TNIK: variants seen among roughly 807,000 people sequenced by gnomAD.
The protein encoded by TNIK is TRAF2 and NCK interacting kinase.
A neutral mutation model predicts 191.3 loss-of-function variants in TNIK; 49 were observed. The ratio of observed to expected loss-of-function variants is 0.26; its 90% CI spans 0.20 to 0.32. The LOEUF is 0.32. TNIK is among the 10% of genes least tolerant of loss of function. TNIK has a pLI of 1.00. For missense variants in TNIK, 1,155 were observed against 1,702.3 expected (o/e 0.68, Z 5.66); for synonymous variants, 594 against 600.9 (o/e 0.99, Z 0.17).
At chr3:171,276,876 T>C (rs752083745) in intron 2 of TNIK, among the ~76,000 whole-genome samples, 9 of 152,222 alleles carry the variant, frequency 5.9e-5, no homozygotes, top group Non-Finnish European at 1.2e-4. Flanking sequence ...TTCGGAGAAA[T>C]TGGCATGTGA....
intron 23 of TNIK, among the ~76,000 whole-genome samples, chr3:171,088,139 A>G (rs183687902): frequency 1.5e-4 from 23 of 152,288 alleles, no homozygotes; most frequent in African/African-American, 4.1e-4. Context: ...ATAAATAACT[A>G]TGGTGCTTTG....
At position 171,460,113 on chromosome 3, in the gene TNIK, C is replaced by T. The variant is rs1729299786; in HGVS notation, c.-50G>A. On this transcript the variant is annotated 5_prime_UTR_variant, in exon 1 of 33. Transcript: ENST00000436636. This position sits in a 1 kb window ranked among gnomAD's most constrained non-coding sequence, Gnocchi z 6.8. ...GACCAAAACCACCCCGAAGCTTTTC[C>T]CTTGGAAATTCCACCTTGGTCTATT... The T allele has an allele frequency of 1.3e-6, 2 of 1,569,468 alleles. No individual in the cohort carries two copies. The highest frequency in any genetic ancestry group is 2.4e-5 in the East Asian group (1 of 42,380).
chr3:171,095,891 T>C (rs2108427354), intron 22 of TNIK, among the ~76,000 whole-genome samples: 1 of 152,310 alleles, frequency 6.6e-6, no homozygotes, highest in East Asian at 1.9e-4. Flanking sequence ...GAGCTTTTAA[T>C]AGTGTTCAGA....
intron 2 of TNIK, among the ~76,000 whole-genome samples, chr3:171,327,786 G>A (rs570461672): frequency 1.3e-5 from 2 of 151,524 alleles, no homozygotes; most frequent in Admixed American, 6.6e-5. Context: ...AAGGTGTAAC[G>A]GGTGCCCCTT....
At chr3:171,115,914 G>C (rs920042215) in intron 18 of TNIK, among the ~76,000 whole-genome samples, 8 of 152,192 alleles carry the variant, frequency 5.3e-5, no homozygotes, top group African/African-American at 1.9e-4. Context: ...CCTACATCCT[G>C]ACTGGGCTCA....
intron 3 of TNIK, among the ~76,000 whole-genome samples, chr3:171,216,453 G>A (rs776660507): frequency 4.6e-5 from 7 of 152,188 alleles, no homozygotes; most frequent in East Asian, 3.9e-4. Flanking sequence ...AGTTCTATAG[G>A]ATGGAGAAAA....
chr3:171,292,305 T>G (rs781759082), intron 2 of TNIK, among the ~76,000 whole-genome samples: 3 of 152,238 alleles, frequency 2.0e-5, no homozygotes, highest in Non-Finnish European at 4.4e-5. Context: ...CTAAACATTA[T>G]GAATATTGTT....
chr3:171,253,627 C>G (rs566379822), intron 2 of TNIK, among the ~76,000 whole-genome samples: 1 of 125,442 alleles, frequency 8.0e-6, no homozygotes, highest in Non-Finnish European at 1.6e-5. Context: ...TCAAATGTCA[C>G]GGCTAGGAAG....
chr3:171,354,528 C>A (rs535041366), intron 2 of TNIK, among the ~76,000 whole-genome samples: 1 of 152,300 alleles, frequency 6.6e-6, no homozygotes, highest in African/African-American at 2.4e-5. Flanking sequence ...TCCTGAGAAA[C>A]AAGATCCTGA....
At chr3:171,184,076 TTATTC>T (rs1737063751) in intron 7 of TNIK, among the ~76,000 whole-genome samples, 1 of 152,074 alleles carries the variant, frequency 6.6e-6, no homozygotes, top group South Asian at 2.1e-4. Flanking sequence ...TATTCTCACT[TTATTC>T]TATTATAACC....
At chr3:171,412,057 C>T (rs1722493788) in intron 1 of TNIK, among the ~76,000 whole-genome samples, 1 of 152,182 alleles carries the variant, frequency 6.6e-6, no homozygotes, top group Non-Finnish European at 1.5e-5. Flanking sequence ...TGAGAAACTT[C>T]AAACCATCCT....
intron 2 of TNIK, among the ~76,000 whole-genome samples, chr3:171,322,808 T>TG (rs915888833): frequency 2.0e-5 from 3 of 150,824 alleles, no homozygotes; most frequent in Admixed American, 1.3e-4. Context: ...TAGTGTTTTT[T>TG]TTGTTGTTGT....
At chr3:171,268,330 A>G (rs78758754) in intron 2 of TNIK, among the ~76,000 whole-genome samples, 8,854 of 152,002 alleles carry the variant, frequency 0.058, 296 homozygotes, top group Middle Eastern at 0.12. Flanking sequence ...AGCCCCCATC[A>G]TCCCCCACGT....
chr3:171,246,025 A>G (rs1042739042), intron 2 of TNIK, among the ~76,000 whole-genome samples: 2 of 152,156 alleles, frequency 1.3e-5, no homozygotes, highest in Non-Finnish European at 2.9e-5. Context: ...AAAGCAAAGA[A>G]GGCCTGGAGG....
intron 3 of TNIK, among the ~76,000 whole-genome samples, chr3:171,212,302 C>G (rs973715346): frequency 1.4e-4 from 21 of 152,080 alleles, no homozygotes; most frequent in Non-Finnish European, 2.1e-4. Context: ...CTCACCATTC[C>G]TGATTGAGTT....
chr3:171,449,064 C>T (rs1211001910), intron 1 of TNIK, among the ~76,000 whole-genome samples: 3 of 151,984 alleles, frequency 2.0e-5, no homozygotes, highest in Non-Finnish European at 4.4e-5. Flanking sequence ...CACCCATGTC[C>T]CTGCAAAGGA....
At chr3:171,239,331 G>A (rs892106702) in intron 2 of TNIK, among the ~76,000 whole-genome samples, 1 of 152,180 alleles carries the variant, frequency 6.6e-6, no homozygotes, top group East Asian at 1.9e-4. Context: ...TTCTTCAAAT[G>A]CAGGGATATA....
At chr3:171,108,206 A>G (rs369390359) in intron 19 of TNIK, 44 bp from the exon 20 acceptor site, 24 of 1,452,340 alleles carry the variant, frequency 1.7e-5, no homozygotes, top group Non-Finnish European at 2.1e-5. Context: ...TGGCCATCAA[A>G]AAGTGCTGGC....
chr3:171,066,798 C>G (rs1384197952), intron 30 of TNIK, 63 bp from the exon 31 acceptor site: 5 of 1,521,858 alleles, frequency 3.3e-6, no homozygotes, highest in East Asian at 2.4e-5. Flanking sequence ...GACTATTCAT[C>G]TCTAACAACT....
Sources: gnomAD v4.1 joint callset for allele counts (sites outside exome capture counted in the v4.1 genomes callset) on GRCh38, gnomAD v4.1.1 for gene constraint, Gnocchi (gnomAD v3.1) non-coding constraint, MANE v1.5 for transcripts, NCBI Gene and HGNC (gene_info 2026-07-23, HGNC 2026-07-21) for gene names.